The following CTNND2 variants were observed in gnomAD, a reference collection of about 807,000 sequenced individuals.
The protein encoded by CTNND2 is catenin delta 2.
CTNND2 carries 22 observed loss-of-function variants against 144.4 expected under a neutral mutation model. The observed-to-expected ratio is 0.15, with a 90% CI of 0.11 to 0.22. The LOEUF is 0.22. Among genes scored for constraint, CTNND2 ranks in the 10% least tolerant of loss-of-function variants. The pLI, the probability that CTNND2 is intolerant of heterozygous loss-of-function variation, is 1.00. For synonymous variants in CTNND2, 751 were observed against 695.6 expected (o/e 1.08, Z -1.25); for missense variants, 1,353 against 1,618.8 (o/e 0.84, Z 2.82).
rs186468349 is a variant in CTNND2 at position 11,406,695 on chromosome 5, T to C, written c.439+4841A>G. Among the ~76,000 whole-genome samples, 49 of 152,304 alleles carry C rather than the reference T, an allele frequency of 3.2e-4. No homozygotes were observed. In the Middle Eastern group the frequency reaches 0.014, roughly 42 times the overall value. ...AAAACTGTAAGTCAACAGTGAATAA[T>C]ATATTTGCCTCTGTTAAACTATATA... On this transcript the variant is annotated intron_variant, in intron 5 of 21. Coordinates refer to ENST00000304623, the MANE Select transcript of CTNND2 (RefSeq NM_001332.4).
At chr5:11,856,135 AC>A (rs1392987942) in intron 1 of CTNND2, among the ~76,000 whole-genome samples, 1 of 152,232 alleles carries the variant, frequency 6.6e-6, no homozygotes, top group East Asian at 1.9e-4. Flanking sequence ...AAAGAACAAA[AC>A]ATGGACCTTG....
chr5:11,351,526 C>A (rs368328987), intron 8 of CTNND2, among the ~76,000 whole-genome samples: 1 of 152,088 alleles, frequency 6.6e-6, no homozygotes, highest in Non-Finnish European at 1.5e-5. Flanking sequence ...AGATGTTTTA[C>A]GTTTATGTGC....
At chr5:11,804,756 G>A (rs1454925155) in intron 1 of CTNND2, among the ~76,000 whole-genome samples, 1 of 152,160 alleles carries the variant, frequency 6.6e-6, no homozygotes, top group Admixed American at 6.5e-5. Flanking sequence ...TTAGGGCAGT[G>A]AAACTATTCT....
intron 2 of CTNND2, among the ~76,000 whole-genome samples, chr5:11,662,946 T>G (rs955711845): frequency 2.6e-5 from 4 of 152,198 alleles, no homozygotes; most frequent in African/African-American, 9.6e-5. Flanking sequence ...TTCTAGTCTG[T>G]ACTCACTTGA....
intron 1 of CTNND2, among the ~76,000 whole-genome samples, chr5:11,744,355 C>T (rs972882179): frequency 1.3e-5 from 2 of 152,182 alleles, no homozygotes; most frequent in African/African-American, 2.4e-5. Context: ...AAGGAAGATG[C>T]GCGACGGCCA....
At chr5:11,156,598 A>G (rs1290578615) in intron 12 of CTNND2, among the ~76,000 whole-genome samples, 2 of 152,208 alleles carry the variant, frequency 1.3e-5, no homozygotes, top group Non-Finnish European at 2.9e-5. Context: ...TCATTGGCAA[A>G]AGAAGAAAGG....
chr5:11,419,260 A>C (rs1762176452), intron 3 of CTNND2, among the ~76,000 whole-genome samples: 2 of 152,080 alleles, frequency 1.3e-5, no homozygotes, highest in Non-Finnish European at 2.9e-5. Context: ...ACAAAATGTT[A>C]ACATTATTTT....
intron 6 of CTNND2, among the ~76,000 whole-genome samples, chr5:11,388,330 G>A (rs1759296622): frequency 1.3e-5 from 2 of 152,184 alleles, no homozygotes; most frequent in African/African-American, 4.8e-5. Flanking sequence ...CGTAGAGAAT[G>A]TTCTCAATCC....
intron 1 of CTNND2, among the ~76,000 whole-genome samples, chr5:11,801,525 AT>A (rs1791681225): frequency 6.6e-6 from 1 of 152,136 alleles, no homozygotes; most frequent in East Asian, 1.9e-4. Context: ...TATAGTTTCC[AT>A]TTTTGCAATG....
At chr5:11,711,814 A>T (rs1457705814) in intron 2 of CTNND2, among the ~76,000 whole-genome samples, 1 of 152,214 alleles carries the variant, frequency 6.6e-6, no homozygotes, top group Non-Finnish European at 1.5e-5. Context: ...AAGTATGCTA[A>T]CTTATCTCAT....
intron 16 of CTNND2, among the ~76,000 whole-genome samples, chr5:11,071,605 T>C (rs1484956560): frequency 6.6e-6 from 1 of 151,778 alleles, no homozygotes. Context: ...GAGTTCACTT[T>C]GTGTCATTCA....
At chr5:11,068,860 T>C (rs921996393) in intron 16 of CTNND2, among the ~76,000 whole-genome samples, 1 of 152,100 alleles carries the variant, frequency 6.6e-6, no homozygotes, top group African/African-American at 2.4e-5. Flanking sequence ...AAGCTTGCAG[T>C]GAGCCGAGAT....
chr5:11,520,149 GAAAAAA>G (rs35979486), intron 3 of CTNND2, among the ~76,000 whole-genome samples: 1 of 123,430 alleles, frequency 8.1e-6, no homozygotes, highest in Non-Finnish European at 1.7e-5. Context: ...CTCTGTCTTG[GAAAAAA>G]AAAAAAAAAA....
At chr5:11,169,996 T>C (rs1232182446) in intron 11 of CTNND2, among the ~76,000 whole-genome samples, 1 of 152,102 alleles carries the variant, frequency 6.6e-6, no homozygotes, top group African/African-American at 2.4e-5. Flanking sequence ...CATCTTTGAG[T>C]TCTTGTCATG....
intron 1 of CTNND2, among the ~76,000 whole-genome samples, chr5:11,794,291 T>C (rs983442934): frequency 6.6e-6 from 1 of 152,240 alleles, no homozygotes; most frequent in East Asian, 1.9e-4. Flanking sequence ...TCCATGGTAA[T>C]TATATTATTT....
At position 11,158,653 on chromosome 5, in the gene CTNND2, T is replaced by G. The variant is rs576467315; in HGVS notation, c.2159+923A>C. On this transcript the variant is annotated intron_variant, in intron 12 of 21. Transcript: ENST00000304623. ...ATGAGATGACGATTATTAATGCCACTGAGGTGGATTTTGTTCCTTCTCAGT... is the reference window on the plus strand; with the variant it reads ...ATGAGATGACGATTATTAATGCCACGGAGGTGGATTTTGTTCCTTCTCAGT... Among the ~76,000 whole-genome samples the G allele has an allele frequency of 2.0e-4, 30 of 152,326 alleles. No homozygotes were observed. The South Asian group carries it at 6.0e-3, about 31-fold the overall frequency.
chr5:11,436,974 A>C (rs751722093), intron 3 of CTNND2, among the ~76,000 whole-genome samples: 3 of 152,218 alleles, frequency 2.0e-5, no homozygotes, highest in Admixed American at 1.3e-4. Flanking sequence ...AAGTATGCTA[A>C]AGACATATTT....
At chr5:11,588,879 A>C (rs1779046359) in intron 2 of CTNND2, 2 of 984,984 alleles carry the variant, frequency 2.0e-6, no homozygotes, top group Non-Finnish European at 2.4e-6. Flanking sequence ...CATCCTACCC[A>C]CCTCCCTCCT....
At chr5:11,337,004 C>T (rs1647978635) in intron 9 of CTNND2, among the ~76,000 whole-genome samples, 1 of 152,172 alleles carries the variant, frequency 6.6e-6, no homozygotes, top group Admixed American at 6.5e-5. Flanking sequence ...GAGGGTTCCA[C>T]AACGTGGGAA....
Sources: allele counts gnomAD v4.1 joint callset (sites outside exome capture counted in the v4.1 genomes callset), GRCh38; gene constraint gnomAD v4.1.1; transcripts MANE v1.5; gene names NCBI Gene and HGNC (gene_info 2026-07-23, HGNC 2026-07-21).